Variants in ALK observed in about 807,000 individuals in gnomAD.
ALK encodes the protein ALK receptor tyrosine kinase, also known as ALK tyrosine kinase receptor.
ALK carries 74 observed loss-of-function variants against 163.1 expected under a neutral mutation model. The observed-to-expected ratio is 0.45, with a 90% CI of 0.38 to 0.55. ALK has a LOEUF of 0.55. Among genes scored for constraint, ALK ranks in the 20% least tolerant of loss-of-function variants. The probability of loss-of-function intolerance (pLI) is 0.00; values close to 1 mark genes in which losing one functional copy is unlikely to be tolerated. For missense variants in ALK, 2,063 were observed against 2,105.3 expected (o/e 0.98, Z 0.39); for synonymous variants, 960 against 843.2 (o/e 1.14, Z -2.40).
At chr2:29,286,860 G>A (rs1475822697) in intron 9 of ALK, 1 of 152,070 alleles carries the variant, frequency 6.6e-6, no homozygotes, top group East Asian at 1.9e-4. Context: ...ACATTCTCAA[G>A]TGACACTCTG....
chr2:29,417,634 C>G, intron 4 of ALK, among the ~76,000 whole-genome samples: 1 of 152,088 alleles, frequency 6.6e-6, no homozygotes, highest in Non-Finnish European at 1.5e-5. Context: ...CCAAGGCAAG[C>G]CTATTTTTAC....
intron 1 of ALK, among the ~76,000 whole-genome samples, chr2:29,901,281 G>A (rs906258514): frequency 2.6e-5 from 4 of 152,188 alleles, no homozygotes; most frequent in Non-Finnish European, 4.4e-5. Flanking sequence ...ATAAACTTCA[G>A]TGCCACATTT....
chr2:29,649,211 T>C (rs1676969178), intron 3 of ALK, among the ~76,000 whole-genome samples: 1 of 134,074 alleles, frequency 7.5e-6, no homozygotes, highest in Non-Finnish European at 1.5e-5. Context: ...AGAGAGTGTG[T>C]GTATGTGAGA....
chr2:29,508,086 G>C (rs1443030211), intron 4 of ALK, among the ~76,000 whole-genome samples: 1 of 152,080 alleles, frequency 6.6e-6, no homozygotes, highest in Non-Finnish European at 1.5e-5. Context: ...TAGAACTTGG[G>C]GAGTGCACTG....
chr2:29,602,880 T>C (rs1675417064), intron 3 of ALK, among the ~76,000 whole-genome samples: 1 of 152,210 alleles, frequency 6.6e-6, no homozygotes, highest in Non-Finnish European at 1.5e-5. Flanking sequence ...CAGGAGATCC[T>C]GAGAACATGT....
At chr2:29,779,278 G>A (rs539731782) in intron 1 of ALK, among the ~76,000 whole-genome samples, 2 of 152,302 alleles carry the variant, frequency 1.3e-5, no homozygotes, top group South Asian at 2.1e-4. Flanking sequence ...ATTTGGAAGC[G>A]CTCTGTGCTC....
At chr2:29,669,268 T>C (rs1001682550) in intron 3 of ALK, among the ~76,000 whole-genome samples, 2 of 152,122 alleles carry the variant, frequency 1.3e-5, no homozygotes, top group African/African-American at 4.8e-5. Context: ...CTTTATATAC[T>C]TGGGAGCTCT....
chr2:29,875,546 A>G (rs974922820), intron 1 of ALK, among the ~76,000 whole-genome samples: 1 of 152,058 alleles, frequency 6.6e-6, no homozygotes, highest in Non-Finnish European at 1.5e-5. Context: ...TAAGCCCTGC[A>G]TGCATTAGGT....
Position 29,246,977 on chromosome 2 carries a change from G to A in ALK, c.2204+4128C>T, listed in dbSNP as rs971108653. On this transcript the variant is annotated intron_variant, in intron 12 of 28. Coordinates refer to ENST00000389048, the MANE Select transcript of ALK (RefSeq NM_004304.5). This position sits in a 1 kb window ranked among gnomAD's most constrained non-coding sequence, Gnocchi z 4.3. ...GGCCAGCCTTGCCCGACTTCTCATC[G>A]GCAGTACCGACTTCTTGTGCTCACC... Among the ~76,000 whole-genome samples, 2 of 152,126 alleles carry A rather than the reference G, an allele frequency of 1.3e-5. No homozygotes were observed. Among genetic ancestry groups the A allele is most frequent in the African/African-American group, 2.4e-5 (1 of 41,406 alleles).
intron 3 of ALK, among the ~76,000 whole-genome samples, chr2:29,651,765 T>G (rs2148254210): frequency 6.6e-6 from 1 of 152,300 alleles, no homozygotes; most frequent in East Asian, 1.9e-4. Flanking sequence ...TTGCCTTTAT[T>G]GAATCTTTCT....
At chr2:29,290,528 G>A (rs961769947) in intron 9 of ALK, among the ~76,000 whole-genome samples, 3 of 152,198 alleles carry the variant, frequency 2.0e-5, no homozygotes, top group African/African-American at 7.2e-5. Flanking sequence ...AGGAGGACAA[G>A]AGCAGATGTG....
chr2:29,497,117 T>C (rs1347511439), intron 4 of ALK, among the ~76,000 whole-genome samples: 2 of 151,864 alleles, frequency 1.3e-5, no homozygotes, highest in Non-Finnish European at 2.9e-5. Flanking sequence ...CTAAAAAATA[T>C]GAAAATTATC....
chr2:29,231,602 T>C (rs982162770), intron 15 of ALK, among the ~76,000 whole-genome samples: 2 of 152,144 alleles, frequency 1.3e-5, no homozygotes, highest in East Asian at 3.9e-4. Flanking sequence ...ACTCTTCTAT[T>C]CTAGCCGTCT....
At chr2:29,789,352 G>C (rs1277603753) in intron 1 of ALK, among the ~76,000 whole-genome samples, 1 of 152,110 alleles carries the variant, frequency 6.6e-6, no homozygotes, top group East Asian at 1.9e-4. Context: ...ACCACACTTA[G>C]CCAACCAGGC....
chr2:29,492,866 TA>T (rs1045505137), intron 4 of ALK, among the ~76,000 whole-genome samples: 2 of 152,162 alleles, frequency 1.3e-5, no homozygotes, highest in Non-Finnish European at 2.9e-5. Context: ...TGAACAAATT[TA>T]AAAACAGATT....
chr2:29,760,449 C>T (rs1680668756), intron 1 of ALK, among the ~76,000 whole-genome samples: 1 of 152,162 alleles, frequency 6.6e-6, no homozygotes, highest in Admixed American at 6.5e-5. Context: ...AGTTACTATA[C>T]CAGATACATA....
chr2:29,563,631 G>A (rs1674087864), intron 3 of ALK, among the ~76,000 whole-genome samples: 1 of 152,088 alleles, frequency 6.6e-6, no homozygotes, highest in African/African-American at 2.4e-5. Flanking sequence ...GTGAAAAGGA[G>A]GCCTAACATG....
intron 3 of ALK, among the ~76,000 whole-genome samples, chr2:29,633,308 G>A (rs1027181571): frequency 6.6e-6 from 1 of 152,080 alleles, no homozygotes; most frequent in Non-Finnish European, 1.5e-5. Flanking sequence ...CAGGAGGTGT[G>A]GGAGAGATTT....
chr2:29,216,910 T>C (rs1256762767), intron 23 of ALK, among the ~76,000 whole-genome samples: 1 of 141,924 alleles, frequency 7.0e-6, no homozygotes, highest in Non-Finnish European at 1.5e-5. Context: ...GTATATGTGG[T>C]ATATGTCTTT....
Sources: gnomAD v4.1 joint callset for allele counts (sites outside exome capture counted in the v4.1 genomes callset) on GRCh38, gnomAD v4.1.1 for gene constraint, Gnocchi (gnomAD v3.1) non-coding constraint, MANE v1.5 for transcripts, NCBI Gene and HGNC (gene_info 2026-07-23, HGNC 2026-07-21) for gene names.